ZNF737: variants seen among roughly 807,000 people sequenced by gnomAD.
The protein encoded by ZNF737 is zinc finger protein 737.
In ZNF737, 13 loss-of-function variants were observed where a neutral mutation model predicts 11.7. That is an observed-to-expected ratio of 1.11 (90% CI 0.73 to 1.77). The LOEUF (loss-of-function observed/expected upper bound fraction) is 1.77, where lower values mean the gene tolerates loss of function less well. Among genes scored for constraint, ZNF737 ranks in the 40% most tolerant of loss-of-function variants. The pLI, the probability that ZNF737 is intolerant of heterozygous loss-of-function variation, is 0.00. For synonymous variants in ZNF737, 217 were observed against 216.2 expected, an observed-to-expected ratio of 1.00 and a Z score of -0.03; for missense variants, 636 against 638.0, an observed-to-expected ratio of 1.00 and a Z score of 0.03.
At chr19:20,549,010 C>G (rs755630942) in intron 3 of ZNF737, among the ~76,000 whole-genome samples, 14 of 125,216 alleles carry the variant, frequency 1.1e-4, no homozygotes, top group Non-Finnish European at 2.1e-4. Context: ...AATTTACTTT[C>G]AAATCATAGA....
chr19:20,539,186 A>G lies in ZNF737; in HGVS notation c.*5406T>C, dbSNP rs2144579047. On this transcript the variant is annotated 3_prime_UTR_variant, in exon 4 of 4. Coordinates refer to ENST00000427401, the MANE Select transcript of ZNF737 (RefSeq NM_001159293.2). Reference sequence around the variant, plus strand: ...GTGCCTGTTATCCCAGCTACTCAGGAGGCTGAGGCGGAAGAATCACTTGAA... The same window carrying G: ...GTGCCTGTTATCCCAGCTACTCAGGGGGCTGAGGCGGAAGAATCACTTGAA... 1.6e-6 allele frequency: 1 copy of G among 643,218 alleles called. No individual in the cohort carries two copies. Among genetic ancestry groups the G allele is most frequent in the East Asian group, 1.4e-4 (1 of 7,228 alleles). The allele number at this position is 643,218 out of a possible 1,614,324, so 39.8% of individuals were successfully genotyped here. A position where few individuals can be genotyped will look rare whatever the true frequency, so the allele number is the denominator to read the frequency against.
chr19:20,531,211 G>C (rs1369672005), downstream of ZNF737, among the ~76,000 whole-genome samples: 1 of 135,658 alleles, frequency 7.4e-6, no homozygotes, highest in East Asian at 2.6e-4. Context: ...ATGAGAGGGA[G>C]ACCGTGGAAA....
rs951928736 is a variant in ZNF737 at position 20,542,034 on chromosome 19, T to C, written c.*2558A>G. 1.3e-5 allele frequency: 13 copies of C among 984,720 alleles called. No individual in the cohort carries two copies. The highest frequency in any genetic ancestry group is 5.2e-4 in the Middle Eastern group (1 of 1,932). 61.0% of individuals were successfully genotyped at this position (984,720 alleles called of 1,614,324 possible). The stretch of plus-strand genomic sequence containing the variant: ...TCTATGGGAACAATATTTAACTCAT[T>C]TGCAGTTTAAAGCCACTGACAGTGA... On this transcript the variant is annotated 3_prime_UTR_variant, in exon 4 of 4. Coordinates refer to ENST00000427401, the MANE Select transcript of ZNF737 (RefSeq NM_001159293.2).
In ZNF737 at chr19:20,549,853, C is replaced by T. The variant is rs569312532; in HGVS notation, c.226+2622G>A. Among the ~76,000 whole-genome samples the T allele has an allele frequency of 2.6e-3, 394 of 150,956 alleles. 1 individual carries two copies. Among genetic ancestry groups the T allele is most frequent in the African/African-American group, 9.3e-3 (380 of 41,028 alleles). ...ACTGAGGTATGAGAATAGCTTGAAC[C>T]CAGGAAGTGGAGGTTGCAGTGAGCC... On this transcript the variant is annotated intron_variant, in intron 3 of 3. Coordinates refer to ENST00000427401, the MANE Select transcript of ZNF737 (RefSeq NM_001159293.2).
chr19:20,552,387 C>T lies in ZNF737; in HGVS notation c.226+88G>A, dbSNP rs903226307. 64 of 919,792 alleles carry T rather than the reference C, an allele frequency of 7.0e-5. No homozygotes were observed. In the African/African-American group the frequency reaches 8.6e-4, roughly 12 times the overall value. 57.0% of individuals were successfully genotyped at this position (919,792 alleles called of 1,614,324 possible). On this transcript the variant is annotated intron_variant, in intron 3 of 3. Transcript: ENST00000427401. ...CTATTTTCTTTGGAGCACAGCTTCC[C>T]AAATCACACTTTAAGGACTGGCTTT...
Position 20,539,568 on chromosome 19 carries a change from G to A in ZNF737, c.*5024C>T. 3.1e-6 allele frequency: 3 copies of A among 982,424 alleles called. No individual in the cohort carries two copies. Among genetic ancestry groups the A allele is most frequent in the Non-Finnish European group, 3.6e-6 (3 of 827,246 alleles). The allele number at this position is 982,424 out of a possible 1,614,324, so 60.9% of individuals were successfully genotyped here. A position where few individuals can be genotyped will look rare whatever the true frequency, so the allele number is the denominator to read the frequency against. ...TTACCTTGGTCATGTGAATCTAAAA[G>A]AAACTATCTACATAACTAATCATGG... On this transcript the variant is annotated 3_prime_UTR_variant, in exon 4 of 4. Coordinates refer to ENST00000427401, the MANE Select transcript of ZNF737 (RefSeq NM_001159293.2).
At position 20,544,338 on chromosome 19, in the gene ZNF737, A is replaced by G. The variant is rs7246874; in HGVS notation, c.*254T>C. 0.4 allele frequency: 531,815 copies of G among 1,314,858 alleles called. 108,633 individuals are homozygous for G. Among genetic ancestry groups the G allele is most frequent in the Admixed American group, 0.49 (14,088 of 28,610 alleles). 81.4% of individuals were successfully genotyped at this position (1,314,858 alleles called of 1,614,324 possible). On this transcript the variant is annotated 3_prime_UTR_variant, in exon 4 of 4. Transcript: ENST00000427401. ...GTTAAAGGCTTTCCGACATTCATCA[A>G]ACTCACAGGGTTTCTCTCCAGTACG...
chr19:20,553,788 C>T lies in ZNF737; in HGVS notation c.51G>A (p.Glu17=), dbSNP rs1457699896. ...RDVAIEFSLE[E]WHCLDTAQRN... is the part of the protein sequence containing the mutation. ...GCTGTGCAGTGTCCAGGCAATGCCA[C>T]TCCTCCAGAGAGAATTCTATGGCCA... Residue 17 remains glutamate, a synonymous_variant, in exon 2 of 4, where the codon GAG becomes GAA. Coordinates refer to ENST00000427401, the MANE Select transcript of ZNF737 (RefSeq NM_001159293.2). 1.9e-6 allele frequency: 3 copies of T among 1,614,022 alleles called. No homozygotes were observed. Among genetic ancestry groups the T allele is most frequent in the Non-Finnish European group, 2.5e-6 (3 of 1,179,968 alleles).
rs1968228218 is a variant in ZNF737, at chr19:20,542,052, G to C, written c.*2540C>G. On this transcript the variant is annotated 3_prime_UTR_variant, in exon 4 of 4. Coordinates refer to ENST00000427401, the MANE Select transcript of ZNF737 (RefSeq NM_001159293.2). ...AACTCATTTGCAGTTTAAAGCCACTGACAGTGATTACTAAAGATGTTATTT... is the reference window on the plus strand; with the variant it reads ...AACTCATTTGCAGTTTAAAGCCACTCACAGTGATTACTAAAGATGTTATTT... 1.0e-6 allele frequency: 1 copy of C among 984,960 alleles called. No homozygotes were observed. Among genetic ancestry groups the C allele is most frequent in the African/African-American group, 1.7e-5 (1 of 57,194 alleles). The allele number at this position is 984,960 out of a possible 1,614,324, so 61.0% of individuals were successfully genotyped here.
chr19:20,557,170 A>C (rs1283434006), intron 1 of ZNF737, among the ~76,000 whole-genome samples: 1 of 152,216 alleles, frequency 6.6e-6, no homozygotes, highest in African/African-American at 2.4e-5. Context: ...ATGTCTCCGC[A>C]AGCACTGGTT....
chr19:20,563,450 C>A (rs1969178111), intron 1 of ZNF737, among the ~76,000 whole-genome samples: 2 of 149,994 alleles, frequency 1.3e-5, no homozygotes, highest in South Asian at 2.1e-4. Context: ...AGGGAAATTA[C>A]TCAAACACAG....
At chr19:20,550,711 C>G (rs1968630647) in intron 3 of ZNF737, among the ~76,000 whole-genome samples, 2 of 152,010 alleles carry the variant, frequency 1.3e-5, no homozygotes, top group African/African-American at 4.8e-5. Context: ...GTCTCAAAGA[C>G]CAGATCAAAG....
At position 20,543,901 on chromosome 19, in the gene ZNF737, G is replaced by A. The variant is rs1436717166; in HGVS notation, c.*691C>T. ...CCAGCACTTTAGGAGGCCAAGGTGGGTGGATCACCTGAGGTCAGGAGTTCG... is the reference window on the plus strand; with the variant it reads ...CCAGCACTTTAGGAGGCCAAGGTGGATGGATCACCTGAGGTCAGGAGTTCG... On this transcript the variant is annotated 3_prime_UTR_variant, in exon 4 of 4. Coordinates refer to ENST00000427401, the MANE Select transcript of ZNF737 (RefSeq NM_001159293.2). 1 of 925,052 alleles carries A rather than the reference G, an allele frequency of 1.1e-6. No homozygotes were observed. Among genetic ancestry groups the A allele is most frequent in the African/African-American group, 1.8e-5 (1 of 55,728 alleles). 57.3% of individuals were successfully genotyped at this position (925,052 alleles called of 1,614,324 possible).
rs60509232 is a variant in ZNF737, at chr19:20,538,435, A to G, written c.*6157T>C. ...TTCTAAGTTGCTAAACAATTGGGACATACAGAATGTGAGGTCCCATTCCAG... is the reference window on the plus strand; with the variant it reads ...TTCTAAGTTGCTAAACAATTGGGACGTACAGAATGTGAGGTCCCATTCCAG... On this transcript the variant is annotated 3_prime_UTR_variant, in exon 4 of 4. Coordinates refer to ENST00000427401, the MANE Select transcript of ZNF737 (RefSeq NM_001159293.2). Among the ~76,000 whole-genome samples the G allele has an allele frequency of 2.8e-3, 432 of 152,342 alleles. 5 individuals are homozygous for G. The highest frequency in any genetic ancestry group is 9.9e-3 in the African/African-American group (412 of 41,584).
chr19:20,558,239 C>A (rs1283719538), intron 1 of ZNF737, among the ~76,000 whole-genome samples: 2 of 150,578 alleles, frequency 1.3e-5, no homozygotes, highest in Non-Finnish European at 2.9e-5. Flanking sequence ...GAGCCAAGAT[C>A]ACACAACTGC....
rs1267252297 is a variant in ZNF737 at position 20,538,540 on chromosome 19, G to C, written c.*6052C>G. On this transcript the variant is annotated 3_prime_UTR_variant, in exon 4 of 4. Coordinates refer to ENST00000427401, the MANE Select transcript of ZNF737 (RefSeq NM_001159293.2). Reference sequence around the variant, plus strand: ...TGTCTCCTCTGTTCAGTGTACTCGTGGCAAAACTGCTTTCTGCAAAAAGTA... The same window carrying C: ...TGTCTCCTCTGTTCAGTGTACTCGTCGCAAAACTGCTTTCTGCAAAAAGTA... 11 of 566,982 alleles carry C rather than the reference G, an allele frequency of 1.9e-5. No individual in the cohort carries two copies. The highest frequency in any genetic ancestry group is 2.0e-5 in the Non-Finnish European group (9 of 447,896). The allele number at this position is 566,982 out of a possible 1,614,324, so 35.1% of individuals were successfully genotyped here. A position where few individuals can be genotyped will look rare whatever the true frequency, so the allele number is the denominator to read the frequency against.
In ZNF737 at chr19:20,545,364, G is replaced by T. The variant is rs999286484; in HGVS notation, c.839C>A (p.Thr280Asn). 1 of 1,612,162 alleles carries T rather than the reference G, an allele frequency of 6.2e-7. No individual in the cohort carries two copies. Among genetic ancestry groups the T allele is most frequent in the Non-Finnish European group, 8.5e-7 (1 of 1,179,558 alleles). ...TTCACATTTGTAGGGTTTCTCTCCA[G>T]TATGAATTATCTTATGTGTAGTAAG... ...SNLTTHKIIH[T>N]GEKPYKCEEC... Residue 280 changes from threonine to asparagine, a missense_variant, in exon 4 of 4, where the codon ACT becomes AAT. Physicochemically the swap from Thr to Asn is moderately conservative, Grantham distance 65. Transcript: ENST00000427401.
At chr19:20,561,759 C>T (rs1483317851) in intron 1 of ZNF737, among the ~76,000 whole-genome samples, 1 of 151,790 alleles carries the variant, frequency 6.6e-6, no homozygotes, top group African/African-American at 2.4e-5. Context: ...ACTGTCCTCA[C>T]TGCAGATGCC....
chr19:20,537,422 G>A (rs1359040922), downstream of ZNF737, among the ~76,000 whole-genome samples: 56 of 149,924 alleles, frequency 3.7e-4, no homozygotes, highest in African/African-American at 1.3e-3. Flanking sequence ...GGCTGGTCTC[G>A]AACTCCAGAC....
Sources: gnomAD v4.1 joint callset for allele counts (sites outside exome capture counted in the v4.1 genomes callset) on GRCh38, gnomAD v4.1.1 for gene constraint, MANE v1.5 for transcripts, NCBI Gene and HGNC (gene_info 2026-07-23, HGNC 2026-07-21) for gene names.